Variants in SALL3 observed in about 807,000 individuals in gnomAD.
The protein encoded by SALL3 is sal-like protein 3.
In SALL3, 25 loss-of-function variants were observed where a neutral mutation model predicts 66.2. The observed-to-expected ratio is 0.38, with a 90% CI of 0.28 to 0.53. The LOEUF (loss-of-function observed/expected upper bound fraction) is 0.53, where lower values mean the gene tolerates loss of function less well. SALL3 is among the 20% of genes least tolerant of loss of function. The pLI is 0.85. For missense variants in SALL3, 2,194 were observed against 1,916.5 expected, an observed-to-expected ratio of 1.14 and a Z score of -2.70; for synonymous variants, 1,152 against 899.1, an observed-to-expected ratio of 1.28 and a Z score of -5.03.
chr18:78,995,690 G>A (rs1914668225), intron 2 of SALL3, among the ~76,000 whole-genome samples: 1 of 32,872 alleles, frequency 3.0e-5, no homozygotes, highest in African/African-American at 1.2e-4. Context: ...GTGTGTGCAG[G>A]TGTGTATGGG....
rs1447045426 is a variant in SALL3, at chr18:78,993,634, C to T, written c.1643C>T (p.Pro548Leu). ...TACGCCGACTCTCCCAGCGCCACCC[C>T]AGCCAGCCGCTCCCCGCAGAGGCCC... is the stretch of plus-strand genomic sequence containing the variant. Reference protein sequence around the residue: ...HGYADSPSATPASRSPQRPSP... With the variant: ...HGYADSPSATLASRSPQRPSP... The change falls in exon 2 of 3, where the codon CCA becomes CTA. Residue 548 changes from proline (P) to leucine (L), a missense_variant. Transcript: ENST00000537592. 38 of 1,587,172 alleles carry T rather than the reference C, an allele frequency of 2.4e-5. No homozygotes were observed. The highest frequency in any genetic ancestry group is 2.8e-5 in the Non-Finnish European group (33 of 1,174,272).
Position 78,993,026 on chromosome 18 carries a change from C to G in SALL3, c.1035C>G (p.Ala345=). 6.4e-7 allele frequency: 1 copy of G among 1,560,310 alleles called. No individual in the cohort carries two copies. Among genetic ancestry groups the G allele is most frequent in the Non-Finnish European group, 8.6e-7 (1 of 1,161,240 alleles). The part of the protein sequence containing the change: ...SQPQSASTPP[A]LAPGSLLGAA... ...CGCAGAGCGCATCCACGCCGCCTGCCCTGGCCCCGGGGTCCCTGCTGGGTG... is the reference window on the plus strand; with the variant it reads ...CGCAGAGCGCATCCACGCCGCCTGCGCTGGCCCCGGGGTCCCTGCTGGGTG... Residue 345 remains alanine, a synonymous_variant, in exon 2 of 3, where the codon GCC becomes GCG. Transcript: ENST00000537592.
At position 78,994,609 on chromosome 18, in the gene SALL3, A is replaced by G; in HGVS notation, c.2618A>G (p.Asp873Gly). 6.2e-7 allele frequency: 1 copy of G among 1,609,290 alleles called. No homozygotes were observed. Among genetic ancestry groups the G allele is most frequent in the Non-Finnish European group, 8.5e-7 (1 of 1,177,706 alleles). The change falls in exon 2 of 3, where the codon GAC becomes GGC. Residue 873 changes from aspartate (D) to glycine (G), a missense_variant. Coordinates refer to ENST00000537592, the MANE Select transcript of SALL3 (RefSeq NM_171999.4). ...GTGGAGAACGGGTCCGGGGAGAGTGACCGCCTGAGCAACGACTCCTCGTCG... is the reference window on the plus strand; with the variant it reads ...GTGGAGAACGGGTCCGGGGAGAGTGGCCGCCTGAGCAACGACTCCTCGTCG... ...KSVENGSGES[D>G]RLSNDSSSAV...
chr18:78,982,537 C>T (rs915671640), intron 1 of SALL3, among the ~76,000 whole-genome samples: 3 of 152,126 alleles, frequency 2.0e-5, no homozygotes, highest in African/African-American at 7.2e-5. Flanking sequence ...GTTCAAGGAG[C>T]ATAACAGACA....
At chr18:78,981,132 A>G (rs1486338737) in intron 1 of SALL3, among the ~76,000 whole-genome samples, 3 of 152,206 alleles carry the variant, frequency 2.0e-5, no homozygotes, top group Non-Finnish European at 2.9e-5. Flanking sequence ...TCTTCGAAAC[A>G]TCCAAGAGCA....
intron 1 of SALL3, among the ~76,000 whole-genome samples, chr18:78,988,552 T>G (rs532742843): frequency 6.6e-6 from 1 of 152,232 alleles, no homozygotes; most frequent in Non-Finnish European, 1.5e-5. Context: ...GTCAAGTGCT[T>G]ACTATTGTTT....
At position 78,994,128 on chromosome 18, in the gene SALL3, G is replaced by A. The variant is rs998538126; in HGVS notation, c.2137G>A (p.Gly713Ser). 1.7e-5 allele frequency: 28 copies of A among 1,612,852 alleles called. No individual in the cohort carries two copies. Among genetic ancestry groups the A allele is most frequent in the Non-Finnish European group, 2.2e-5 (26 of 1,179,994 alleles). Residue 713 changes from glycine (G) to serine (S), a missense_variant, in exon 2 of 3, where the codon GGC becomes AGC. Coordinates refer to ENST00000537592, the MANE Select transcript of SALL3 (RefSeq NM_171999.4). Reference sequence around the variant, plus strand: ...GCGGCCGTTCAAGTGCAAGATCTGCGGCCGCGCCTTCACCACCAAGGGCAA... The same window carrying A: ...GCGGCCGTTCAAGTGCAAGATCTGCAGCCGCGCCTTCACCACCAAGGGCAA... The part of the protein sequence containing the change: ...GERPFKCKIC[G>S]RAFTTKGNLK...
At position 78,998,922 on chromosome 18, in the gene SALL3, T is replaced by TGCAAGTGTGCTG. The variant is rs1349311179; in HGVS notation, c.*1603_*1614dup. ...CGTGAACTACCTCATTTTCGTGCGTTGCAAGTGTGCTGGCGTCTGACACTA... is the reference window on the plus strand; with the variant it reads ...CGTGAACTACCTCATTTTCGTGCGTTGCAAGTGTGCTGGCAAGTGTGCTGGCGTCTGACACTA... On this transcript the variant is annotated 3_prime_UTR_variant, in exon 3 of 3. Coordinates refer to ENST00000537592, the MANE Select transcript of SALL3 (RefSeq NM_171999.4). 4 of 152,256 alleles carry TGCAAGTGTGCTG rather than the reference T, an allele frequency of 2.6e-5. No homozygotes were observed. Among genetic ancestry groups the TGCAAGTGTGCTG allele is most frequent in the Admixed American group, 6.5e-5 (1 of 15,274 alleles). 9.4% of individuals were successfully genotyped at this position (152,256 alleles called of 1,614,324 possible).
intron 1 of SALL3, among the ~76,000 whole-genome samples, chr18:78,982,733 C>T (rs538297299): frequency 2.0e-5 from 3 of 152,230 alleles, no homozygotes; most frequent in Admixed American, 6.5e-5. Context: ...ATAAACAGAC[C>T]GTGCCGGAAG....
intron 2 of SALL3, among the ~76,000 whole-genome samples, chr18:78,996,007 C>G (rs1414518445): frequency 1.3e-5 from 2 of 152,140 alleles, no homozygotes; most frequent in African/African-American, 2.4e-5. Context: ...CCTCTTGAAT[C>G]TGATAGAAAA....
chr18:78,995,670 GT>G (rs1914667316), intron 2 of SALL3, among the ~76,000 whole-genome samples: 1 of 147,070 alleles, frequency 6.8e-6, no homozygotes, highest in Non-Finnish European at 1.5e-5. Context: ...GGTGAGTAGC[GT>G]GTACCTATGT....
chr18:78,993,099 G>A lies in SALL3; in HGVS notation c.1108G>A (p.Gly370Ser), dbSNP rs760642206. 6 of 1,601,452 alleles carry A rather than the reference G, an allele frequency of 3.7e-6. No individual in the cohort carries two copies. Among genetic ancestry groups the A allele is most frequent in the Admixed American group, 3.4e-5 (2 of 59,544 alleles). The change falls in exon 2 of 3, where the codon GGC becomes AGC. Residue 370 changes from glycine (G) to serine (S), a missense_variant. Coordinates refer to ENST00000537592, the MANE Select transcript of SALL3 (RefSeq NM_171999.4). ...GCTTCTACCTCAGACTTCCGCCAGC[G>A]GCGTCATCTTCCCCAACCCGCTGGT... is the stretch of plus-strand genomic sequence containing the variant. The part of the protein sequence containing the change: ...SPLLPQTSAS[G>S]VIFPNPLVSI...
chr18:78,992,767 C>G lies in SALL3; in HGVS notation c.776C>G (p.Pro259Arg), dbSNP rs747513627. 6 of 1,045,570 alleles carry G rather than the reference C, an allele frequency of 5.7e-6. No homozygotes were observed. In the East Asian group the frequency reaches 4.3e-4, roughly 75 times the overall value. The allele number at this position is 1,045,570 out of a possible 1,614,324, so 64.8% of individuals were successfully genotyped here. The change falls in exon 2 of 3, where the codon CCC becomes CGC. Residue 259 changes from proline (P) to arginine (R), a missense_variant. Transcript: ENST00000537592. Reference sequence around the variant, plus strand: ...CCGGGCCCGGCCCCCAGCCAGCTGCCCGGGCTGGCCGCGCTCCCGCTGTCG... The same window carrying G: ...CCGGGCCCGGCCCCCAGCCAGCTGCGCGGGCTGGCCGCGCTCCCGCTGTCG... ...SAPGPAPSQLPGLAALPLSAG... is the reference protein window; with the variant it reads ...SAPGPAPSQLRGLAALPLSAG...
Position 78,997,418 on chromosome 18 carries a change from ACCC to A in SALL3, c.*97_*99del. ...TTGCCTCGGTTCTCATTACACTTTCACCCATAGCAGAAAACACTTTGTGCGGCT... is the reference window on the plus strand; with the variant it reads ...TTGCCTCGGTTCTCATTACACTTTCAATAGCAGAAAACACTTTGTGCGGCT... On this transcript the variant is annotated 3_prime_UTR_variant, in exon 3 of 3. Transcript: ENST00000537592. The A allele has an allele frequency of 7.8e-7, 1 of 1,276,620 alleles. No individual in the cohort carries two copies. The highest frequency in any genetic ancestry group is 1.1e-6 in the Non-Finnish European group (1 of 905,124). 79.1% of individuals were successfully genotyped at this position (1,276,620 alleles called of 1,614,324 possible).
chr18:78,998,777 TGAAAG>T lies in SALL3; in HGVS notation c.*1456_*1460del, dbSNP rs1224006891. 1 of 152,258 alleles carries T rather than the reference TGAAAG, an allele frequency of 6.6e-6. No individual in the cohort carries two copies. 9.4% of individuals were successfully genotyped at this position (152,258 alleles called of 1,614,324 possible). ...CTGATTTATTTATTATCTTCTCAGA[TGAAAG>T]CAAAGCACAGTGTCCTCTGATTTTT... On this transcript the variant is annotated 3_prime_UTR_variant, in exon 3 of 3. Coordinates refer to ENST00000537592, the MANE Select transcript of SALL3 (RefSeq NM_171999.4).
rs1014426215 is a variant in SALL3, at chr18:78,997,988, G to A, written c.*666G>A. 4.7e-5 allele frequency: 7 copies of A among 148,134 alleles called. No individual in the cohort carries two copies. Among genetic ancestry groups the A allele is most frequent in the South Asian group, 2.2e-4 (1 of 4,614 alleles). 9.2% of individuals were successfully genotyped at this position (148,134 alleles called of 1,614,324 possible). A position where few individuals can be genotyped will look rare whatever the true frequency, so the allele number is the denominator to read the frequency against. ...TGTTGGGAAAGATAGCATGCTTTTCGTGTGCAAGTACCTGTCAGTAATAAG... is the reference window on the plus strand; with the variant it reads ...TGTTGGGAAAGATAGCATGCTTTTCATGTGCAAGTACCTGTCAGTAATAAG... On this transcript the variant is annotated 3_prime_UTR_variant, in exon 3 of 3. Coordinates refer to ENST00000537592, the MANE Select transcript of SALL3 (RefSeq NM_171999.4).
intron 1 of SALL3, chr18:78,985,003 T>G (rs1914197215): frequency 6.6e-6 from 1 of 152,234 alleles, no homozygotes; most frequent in Admixed American, 6.5e-5. Flanking sequence ...CAGAAAGCCT[T>G]TTTGTCTGAT....
intron 1 of SALL3, 49 bp from the exon 2 acceptor site, chr18:78,992,025 C>T (rs375477647): frequency 2.0e-5 from 27 of 1,363,086 alleles, no homozygotes; most frequent in East Asian, 8.8e-5. Flanking sequence ...AATTTTGAGA[C>T]GGAGGGCGGG....
chr18:78,980,786 G>A (rs188276392), intron 1 of SALL3, among the ~76,000 whole-genome samples: 2 of 152,000 alleles, frequency 1.3e-5, no homozygotes, highest in Non-Finnish European at 1.5e-5. Context: ...TGGGGACCCC[G>A]CCGCCCGGCC....
Sources: gnomAD v4.1 joint callset for allele counts (sites outside exome capture counted in the v4.1 genomes callset) on GRCh38, gnomAD v4.1.1 for gene constraint, MANE v1.5 for transcripts, NCBI Gene and HGNC (gene_info 2026-07-23, HGNC 2026-07-21) for gene names.